Variants in TENM4 observed in about 807,000 individuals in gnomAD.
TENM4 encodes teneurin-4.
In TENM4, 82 loss-of-function variants were observed where a neutral mutation model predicts 243.3. That is an observed-to-expected ratio of 0.34 (90% CI 0.28 to 0.40). TENM4 has a LOEUF of 0.40. Among genes scored for constraint, TENM4 ranks in the 10% least tolerant of loss-of-function variants. The pLI, the probability that TENM4 is intolerant of heterozygous loss-of-function variation, is 1.00. For missense variants in TENM4, 3,138 were observed against 3,673.3 expected (o/e 0.85, Z 3.77); for synonymous variants, 1,412 against 1,456.3 (o/e 0.97, Z 0.69).
At chr11:79,430,250 G>A (rs1160709923) in intron 1 of TENM4, among the ~76,000 whole-genome samples, 1 of 151,844 alleles carries the variant, frequency 6.6e-6, no homozygotes. Context: ...TCCTTGAGAG[G>A]AACAAGTAGC....
rs114671878 is a variant in TENM4, at chr11:79,034,460, T to G, written c.493+30278A>C. On this transcript the variant is annotated intron_variant, in intron 6 of 33. Coordinates refer to ENST00000278550, the MANE Select transcript of TENM4 (RefSeq NM_001098816.3). The stretch of plus-strand genomic sequence containing the variant: ...AGCACTCAGAGGCACACGCTGGAGA[T>G]CCTGCTCTTGTTGTGAGGATAATTA... 4.4e-3 allele frequency among the ~76,000 whole-genome samples: 664 copies of G among 152,342 alleles called. 7 individuals are homozygous for G. The highest frequency in any genetic ancestry group is 0.015 in the African/African-American group (638 of 41,576).
chr11:78,849,297 G>T (rs1858476962), intron 12 of TENM4, among the ~76,000 whole-genome samples: 1 of 152,152 alleles, frequency 6.6e-6, no homozygotes, highest in Non-Finnish European at 1.5e-5. Flanking sequence ...AAACTTCTTG[G>T]GTTGATGTAA....
chr11:79,290,762 A>G (rs1206105356), intron 2 of TENM4, among the ~76,000 whole-genome samples: 1 of 152,160 alleles, frequency 6.6e-6, no homozygotes, highest in African/African-American at 2.4e-5. Context: ...TTATTGAGAA[A>G]GTGGCTTATT....
chr11:78,685,394 C>T (rs1183203218), intron 29 of TENM4, among the ~76,000 whole-genome samples: 1 of 152,214 alleles, frequency 6.6e-6, no homozygotes, highest in African/African-American at 2.4e-5. Context: ...AACTGAGCAT[C>T]TGAGCCTGGT....
chr11:78,880,688 G>C (rs1044461367), intron 9 of TENM4, among the ~76,000 whole-genome samples: 3 of 152,154 alleles, frequency 2.0e-5, no homozygotes, highest in African/African-American at 4.8e-5. Context: ...GAAAACCGCA[G>C]AATGTTTCTG....
At chr11:78,689,160 G>A (rs926369353) in intron 28 of TENM4, among the ~76,000 whole-genome samples, 9 of 152,170 alleles carry the variant, frequency 5.9e-5, no homozygotes, top group African/African-American at 2.2e-4. Flanking sequence ...AGCTAATTAA[G>A]TGTGGGTAGA....
At chr11:79,099,235 T>A (rs1861161525) in intron 4 of TENM4, among the ~76,000 whole-genome samples, 1 of 151,910 alleles carries the variant, frequency 6.6e-6, no homozygotes, top group East Asian at 1.9e-4. Flanking sequence ...TCTGAGGGAG[T>A]GCTGCTGGGA....
At chr11:78,760,695 GCTCTTTGAATATCCTC>G (rs1489652540) in intron 18 of TENM4, among the ~76,000 whole-genome samples, 26 of 152,188 alleles carry the variant, frequency 1.7e-4, no homozygotes, top group Admixed American at 1.3e-3. Context: ...TTGGTTTTGA[GCTCTTTGAATATCCTC>G]CTCTCCCTTT....
intron 3 of TENM4, chr11:79,191,409 G>T (rs1395503399): frequency 6.8e-6 from 1 of 146,504 alleles, no homozygotes; most frequent in Admixed American, 6.8e-5. Flanking sequence ...GATTGCAGAC[G>T]GAGTCTCATT....
intron 15 of TENM4, 44 bp downstream of exon 15, chr11:78,805,248 A>G (rs1397401648): frequency 2.1e-6 from 3 of 1,438,792 alleles, no homozygotes; most frequent in Non-Finnish European, 2.8e-6. Flanking sequence ...GTCACAGTGG[A>G]AATCCCCTCC....
rs771912708 is a variant in TENM4 at position 78,812,140 on chromosome 11, C to T, written c.1960G>A (p.Gly654Ser). The change falls in exon 14 of 34, where the codon GGC becomes AGC. Residue 654 changes from glycine to serine, a missense_variant. Physicochemically the swap from Gly to Ser is moderately conservative, Grantham distance 56. Around this residue, in one of 2 missense-constraint regions of TENM4, gnomAD observed 2,467 missense variants for 3,059.1 expected, o/e 0.81. Coordinates refer to ENST00000278550, the MANE Select transcript of TENM4 (RefSeq NM_001098816.3). ...GTCICNPGYK[G>S]ESCEEVDCMD... ...CTCTTACCTTCCTCACAGCTCTCGC[C>T]CTTGTAGCCAGGGTTGCAGATGCAG... is the stretch of plus-strand genomic sequence containing the variant. 1.3e-6 allele frequency: 2 copies of T among 1,551,424 alleles called. No homozygotes were observed. Among genetic ancestry groups the T allele is most frequent in the South Asian group, 2.4e-5 (2 of 84,040 alleles).
At chr11:78,827,471 C>CTACTTATTTATT (rs148477243) in intron 12 of TENM4, among the ~76,000 whole-genome samples, 1 of 146,040 alleles carries the variant, frequency 6.8e-6, no homozygotes, top group African/African-American at 2.6e-5. Context: ...CCTTCAAAGC[C>CTACTTATTTATT]TATTTATTTA....
intron 6 of TENM4, among the ~76,000 whole-genome samples, chr11:78,919,861 C>T (rs1018459281): frequency 6.6e-6 from 1 of 152,110 alleles, no homozygotes; most frequent in Non-Finnish European, 1.5e-5. Flanking sequence ...CTCCTCAATC[C>T]GTGAGGTTAG....
chr11:78,947,883 T>C lies in TENM4; in HGVS notation c.494-44360A>G, dbSNP rs144235513. Among the ~76,000 whole-genome samples, 17 of 152,228 alleles carry C rather than the reference T, an allele frequency of 1.1e-4. No individual in the cohort carries two copies. The East Asian group carries it at 3.3e-3, about 29-fold the overall frequency. ...TTTATCACAACTGCCAAACCATCGG[T>C]TCTCTGTAAAGGTTTGGAGGGGTTC... On this transcript the variant is annotated intron_variant, in intron 6 of 33. Coordinates refer to ENST00000278550, the MANE Select transcript of TENM4 (RefSeq NM_001098816.3).
At chr11:79,049,480 A>C (rs1859743820) in intron 6 of TENM4, among the ~76,000 whole-genome samples, 2 of 152,190 alleles carry the variant, frequency 1.3e-5, no homozygotes. Flanking sequence ...ATCAAACAGG[A>C]GGGCAGTCCA....
At chr11:79,072,083 A>G (rs1860428489) in intron 4 of TENM4, among the ~76,000 whole-genome samples, 1 of 152,196 alleles carries the variant, frequency 6.6e-6, no homozygotes, top group South Asian at 2.1e-4. Context: ...AGCTGGCAAG[A>G]TGATAGTCCT....
intron 6 of TENM4, among the ~76,000 whole-genome samples, chr11:78,909,554 G>C (rs554927969): frequency 1.5e-4 from 23 of 152,316 alleles, no homozygotes; most frequent in Middle Eastern, 3.4e-3. Context: ...TTACATCAAG[G>C]CCTGCCACAT....
chr11:78,769,324 G>A (rs976551782), intron 18 of TENM4, among the ~76,000 whole-genome samples: 1 of 152,138 alleles, frequency 6.6e-6, no homozygotes, highest in African/African-American at 2.4e-5. Context: ...TCCTGGCTTG[G>A]CCCATAATGA....
intron 2 of TENM4, among the ~76,000 whole-genome samples, chr11:79,286,254 C>G (rs1856248286): frequency 6.6e-6 from 1 of 152,146 alleles, no homozygotes; most frequent in Non-Finnish European, 1.5e-5. Flanking sequence ...AATATGAGCA[C>G]TCGCTCTGGA....
Sources: gnomAD v4.1 joint callset for allele counts (sites outside exome capture counted in the v4.1 genomes callset) on GRCh38, gnomAD v4.1.1 for gene constraint, gnomAD v4.1.1 regional missense constraint, MANE v1.5 for transcripts, NCBI Gene and HGNC (gene_info 2026-07-23, HGNC 2026-07-21) for gene names.